SPATA31H1: variants seen among roughly 807,000 people sequenced by gnomAD.
SPATA31H1 encodes spermatogenesis-associated protein 31H1.
At chr2:27,556,535 T>A in the SPATA31H1 span, among the ~76,000 whole-genome samples, 1 of 151,648 alleles carries the variant, frequency 6.6e-6, no homozygotes, top group Non-Finnish European at 1.5e-5. Context: ...TCTTCAGACA[T>A]TTCTTCAGTT....
the SPATA31H1 span, chr2:27,579,274 C>A: frequency 6.2e-7 from 1 of 1,614,066 alleles, no homozygotes; most frequent in South Asian, 1.1e-5. Context: ...ATTTTAGGGA[C>A]CACTATGGAA....
chr2:27,580,602 C>G, the SPATA31H1 span: 3 of 1,614,130 alleles, frequency 1.9e-6, no homozygotes, highest in Non-Finnish European at 2.5e-6. Context: ...ACCTAAGAAA[C>G]CTTCCCAACC....
the SPATA31H1 span, among the ~76,000 whole-genome samples, chr2:27,561,727 G>A: frequency 6.6e-6 from 1 of 151,670 alleles, no homozygotes; most frequent in Non-Finnish European, 1.5e-5. Context: ...TTTGAGACAG[G>A]GTTTCGCTCT....
the SPATA31H1 span, among the ~76,000 whole-genome samples, chr2:27,553,547 A>T: frequency 6.6e-6 from 1 of 152,080 alleles, no homozygotes. Context: ...AATTCCTTAT[A>T]ATTCCATCTT....
At chr2:27,570,045 C>A in the SPATA31H1 span, 1 of 398,934 alleles carries the variant, frequency 2.5e-6, no homozygotes, top group Non-Finnish European at 4.4e-6. Context: ...ACAGCTGACT[C>A]CAGAATCACA....
chr2:27,539,690 C>T, the SPATA31H1 span, among the ~76,000 whole-genome samples: 12 of 85,948 alleles, frequency 1.4e-4, 1 homozygote, highest in Middle Eastern at 0.014. Context: ...CCAGTAGGGG[C>T]GGCCGGGCAG....
At chr2:27,577,741 G>A in the SPATA31H1 span, 2 of 1,614,030 alleles carry the variant, frequency 1.2e-6, no homozygotes. This position sits in a 1 kb window ranked among gnomAD's most constrained non-coding sequence, Gnocchi z 4.5. Context: ...GGATCTCCAG[G>A]GATAATATCA....
chr2:27,576,777 C>G, the SPATA31H1 span: 1 of 1,613,898 alleles, frequency 6.2e-7, no homozygotes, highest in Non-Finnish European at 8.5e-7. Context: ...TACTGTAGAG[C>G]CAAAGTTGCA....
the SPATA31H1 span, chr2:27,537,616 A>T: frequency 1.4e-6 from 1 of 704,420 alleles, no homozygotes; most frequent in Non-Finnish European, 2.6e-6. Context: ...CCCGCTCCTG[A>T]GGCCATAGAA....
the SPATA31H1 span, chr2:27,537,602 T>A: frequency 1.4e-6 from 1 of 713,768 alleles, no homozygotes; most frequent in Non-Finnish European, 2.6e-6. Context: ...TGAAACTAAC[T>A]GGTCCCGCTC....
At chr2:27,558,988 C>A in the SPATA31H1 span, among the ~76,000 whole-genome samples, 1 of 150,282 alleles carries the variant, frequency 6.7e-6, no homozygotes, top group Non-Finnish European at 1.5e-5. Context: ...TTTTAAAATC[C>A]ATGTTTTATT....
chr2:27,561,318 ACT>A, the SPATA31H1 span, among the ~76,000 whole-genome samples: 28 of 152,100 alleles, frequency 1.8e-4, no homozygotes, highest in South Asian at 2.9e-3. Flanking sequence ...ACAGAAGGAA[ACT>A]CTGTCTCAAA....
the SPATA31H1 span, chr2:27,576,395 T>G: frequency 3.5e-6 from 2 of 573,104 alleles, no homozygotes; most frequent in Non-Finnish European, 6.2e-6. Flanking sequence ...GGCAGCATAA[T>G]GTGAGATCTG....
chr2:27,562,383 G>A, the SPATA31H1 span, among the ~76,000 whole-genome samples: 1 of 151,472 alleles, frequency 6.6e-6, no homozygotes, highest in African/African-American at 2.4e-5. Flanking sequence ...CCAGGTGTGG[G>A]GTCATGCACC....
the SPATA31H1 span, chr2:27,580,556 A>T: frequency 6.2e-7 from 1 of 1,614,248 alleles, no homozygotes; most frequent in Non-Finnish European, 8.5e-7. Flanking sequence ...AGAGGATTGG[A>T]GCAACTCAGA....
At chr2:27,544,910 G>A in the SPATA31H1 span, among the ~76,000 whole-genome samples, 79 of 151,808 alleles carry the variant, frequency 5.2e-4, 1 homozygote, top group African/African-American at 1.5e-3. Flanking sequence ...GGGACCCAGC[G>A]TATATTGAAA....
chr2:27,572,042 T>G, the SPATA31H1 span: 1 of 398,470 alleles, frequency 2.5e-6, no homozygotes, highest in Non-Finnish European at 4.4e-6. Context: ...GTGTAATGTC[T>G]TTGGAGTTAA....
the SPATA31H1 span, among the ~76,000 whole-genome samples, chr2:27,538,003 A>G: frequency 6.6e-6 from 1 of 152,090 alleles, no homozygotes. Context: ...AAACCTTTTA[A>G]AAAAGAGGGA....
chr2:27,578,867 G>C, the SPATA31H1 span: 1 of 1,614,108 alleles, frequency 6.2e-7, no homozygotes, highest in Non-Finnish European at 8.5e-7. Context: ...CCAGAGCTTT[G>C]GATATAAAAA....
Sources: gnomAD v4.1 joint callset for allele counts (sites outside exome capture counted in the v4.1 genomes callset) on GRCh38, gnomAD v4.1.1 for gene constraint, Gnocchi (gnomAD v3.1) non-coding constraint, MANE v1.5 for transcripts, NCBI Gene and HGNC (gene_info 2026-07-23, HGNC 2026-07-21) for gene names.